Variants in FAM228B observed in about 807,000 individuals in gnomAD.
FAM228B encodes family with sequence similarity 228 member B, also known as protein FAM228B.
In FAM228B, 38 loss-of-function variants were observed where a neutral mutation model predicts 42.6. The ratio of observed to expected loss-of-function variants is 0.89; its 90% CI spans 0.69 to 1.17. FAM228B has a LOEUF of 1.17. Among genes scored for constraint, FAM228B ranks in the 50% most tolerant of loss-of-function variants. The pLI is 0.00. For missense variants in FAM228B, 344 were observed against 367.3 expected, an observed-to-expected ratio of 0.94 and a Z score of 0.52; for synonymous variants, 109 against 122.3, an observed-to-expected ratio of 0.89 and a Z score of 0.72.
intron 2 of FAM228B, among the ~76,000 whole-genome samples, chr2:24,089,156 C>T (rs897017374): frequency 2.0e-5 from 3 of 152,112 alleles, no homozygotes; most frequent in African/African-American, 7.2e-5. Context: ...CAAGGCCAGC[C>T]TGGCCAGCAT....
intron 2 of FAM228B, among the ~76,000 whole-genome samples, chr2:24,133,570 G>A (rs1666507163): frequency 6.6e-6 from 1 of 152,118 alleles, no homozygotes; most frequent in South Asian, 2.1e-4. Flanking sequence ...AATTACATGA[G>A]GATCTCAAAG....
Position 24,126,137 on chromosome 2 carries a change from G to A in FAM228B, c.99+1677G>A, listed in dbSNP as rs554844811. 6.1e-4 allele frequency among the ~76,000 whole-genome samples: 93 copies of A among 152,310 alleles called. 2 individuals are homozygous for A. The South Asian group carries it at 0.013, about 22-fold the overall frequency. On this transcript the variant is annotated intron_variant, in intron 2 of 10. Coordinates refer to ENST00000615575, the MANE Select transcript of FAM228B (RefSeq NM_001145710.2). Reference sequence around the variant, plus strand: ...ATAAAGCTGTTATGAACATTCATGTGTGTGTCTTTGTATGGACGTATGCTT... The same window carrying A: ...ATAAAGCTGTTATGAACATTCATGTATGTGTCTTTGTATGGACGTATGCTT...
At chr2:24,137,873 G>T in intron 3 of FAM228B, 36 bp from the exon 4 acceptor site, 1 of 1,426,780 alleles carries the variant, frequency 7.0e-7, no homozygotes, top group Non-Finnish European at 9.4e-7. Flanking sequence ...AAAGCTTTAG[G>T]ATAATATATT....
intron 7 of FAM228B, among the ~76,000 whole-genome samples, chr2:24,154,003 G>A (rs1278637142): frequency 6.6e-6 from 1 of 152,178 alleles, no homozygotes; most frequent in Non-Finnish European, 1.5e-5. Flanking sequence ...TTCAGCATAA[G>A]TCCCCTACTC....
intron 8 of FAM228B, among the ~76,000 whole-genome samples, chr2:24,162,303 G>A (rs1411234006): frequency 2.6e-5 from 4 of 152,160 alleles, no homozygotes; most frequent in Non-Finnish European, 5.9e-5. Flanking sequence ...TGTACCTAGA[G>A]TGAAAGATGT....
chr2:24,144,068 G>A (rs1666830882), intron 5 of FAM228B, among the ~76,000 whole-genome samples: 1 of 151,910 alleles, frequency 6.6e-6, no homozygotes, highest in African/African-American at 2.4e-5. Context: ...GTAAGTGCTT[G>A]TCAGTAGAGA....
intron 3 of FAM228B, among the ~76,000 whole-genome samples, chr2:24,103,940 C>A (rs983770399): frequency 6.6e-6 from 1 of 152,100 alleles, no homozygotes; most frequent in Admixed American, 6.5e-5. Context: ...CAAGATGGGA[C>A]GATTGAGATG....
At chr2:24,082,491 T>C (rs1266049369) in intron 2 of FAM228B, among the ~76,000 whole-genome samples, 1 of 152,232 alleles carries the variant, frequency 6.6e-6, no homozygotes, top group Non-Finnish European at 1.5e-5. Flanking sequence ...CTGCACTGTC[T>C]AAAGGCAAGG....
At chr2:24,134,023 G>A (rs1666520899) in intron 2 of FAM228B, among the ~76,000 whole-genome samples, 2 of 152,084 alleles carry the variant, frequency 1.3e-5, no homozygotes, top group Admixed American at 1.3e-4. Flanking sequence ...TAAGAAATTT[G>A]TTTCAGTCTT....
At chr2:24,163,599 CAG>C (rs1667331950) in intron 8 of FAM228B, among the ~76,000 whole-genome samples, 1 of 152,156 alleles carries the variant, frequency 6.6e-6, no homozygotes, top group Non-Finnish European at 1.5e-5. Flanking sequence ...CCCTAATTAC[CAG>C]AGTCTCAAAT....
At chr2:24,130,264 T>G (rs1666424556) in intron 2 of FAM228B, among the ~76,000 whole-genome samples, 1 of 152,230 alleles carries the variant, frequency 6.6e-6, no homozygotes, top group Non-Finnish European at 1.5e-5. Flanking sequence ...AGTGCTGCAA[T>G]AAACATACAT....
chr2:24,135,476 C>G (rs1331259240), intron 3 of FAM228B, among the ~76,000 whole-genome samples: 1 of 152,132 alleles, frequency 6.6e-6, no homozygotes, highest in Non-Finnish European at 1.5e-5. Context: ...TGAGCTAACC[C>G]TTAAGAGCTG....
rs1329128732 is a variant in FAM228B, at chr2:24,101,646, AATTAGTTCTCTTC to A, written c.-121+6418_-121+6430del. Among the ~76,000 whole-genome samples, 12 of 152,138 alleles carry A rather than the reference AATTAGTTCTCTTC, an allele frequency of 7.9e-5. No individual in the cohort carries two copies. In the South Asian group the frequency reaches 2.5e-3, roughly 32 times the overall value. ...ATTGCTAGAATTGGACTGAGTTCGA[AATTAGTTCTCTTC>A]CTAGTTTTTATTATTTTATTTTATT... On this transcript the variant is annotated intron_variant, in intron 3 of 10. Coordinates refer to the FAM228B transcript ENST00000613899.
chr2:24,086,830 A>G (rs7603220), intron 2 of FAM228B, among the ~76,000 whole-genome samples: 18,359 of 152,266 alleles, frequency 0.12, 1,274 homozygotes, highest in South Asian at 0.18. Flanking sequence ...ATCCGGATAC[A>G]CATCTGTCCA....
chr2:24,123,349 C>T (rs1377784747), upstream of FAM228B: 1 of 152,180 alleles, frequency 6.6e-6, no homozygotes, highest in Non-Finnish European at 1.5e-5. Context: ...GGGCCACGCG[C>T]CGGTCACCGA....
intron 3 of FAM228B, among the ~76,000 whole-genome samples, chr2:24,108,019 G>T (rs1363770241): frequency 1.3e-5 from 2 of 152,114 alleles, no homozygotes; most frequent in South Asian, 2.1e-4. Flanking sequence ...CAGATAGATA[G>T]ATCACTAGCT....
At chr2:24,138,640 C>T (rs1324750253) in intron 4 of FAM228B, among the ~76,000 whole-genome samples, 1 of 151,228 alleles carries the variant, frequency 6.6e-6, no homozygotes, top group Non-Finnish European at 1.5e-5. Context: ...CAGCCCTCCC[C>T]ATGTAATTAT....
intron 2 of FAM228B, among the ~76,000 whole-genome samples, chr2:24,086,160 G>T (rs2150989292): frequency 1.3e-5 from 2 of 150,930 alleles, no homozygotes; most frequent in South Asian, 4.2e-4. Flanking sequence ...GCGTGAACCC[G>T]GGAGGGGGAG....
intron 1 of FAM228B, chr2:24,079,535 C>T: frequency 1.2e-6 from 2 of 1,614,166 alleles, no homozygotes; most frequent in Non-Finnish European, 1.7e-6. Context: ...GTCACCTCCT[C>T]CCATCAGACC....
Sources: allele counts gnomAD v4.1 joint callset (sites outside exome capture counted in the v4.1 genomes callset), GRCh38; gene constraint gnomAD v4.1.1; transcripts MANE v1.5; gene names NCBI Gene and HGNC (gene_info 2026-07-23, HGNC 2026-07-21).